TTC3: variants seen among roughly 807,000 people sequenced by gnomAD.
TTC3 encodes the protein E3 ubiquitin-protein ligase TTC3.
Under a neutral mutation model 249.6 loss-of-function variants are expected in TTC3, and 180 were observed. The observed-to-expected ratio is 0.72, with a 90% CI of 0.64 to 0.82. The LOEUF is 0.82. Among genes scored for constraint, TTC3 ranks in the 40% least tolerant of loss-of-function variants. The probability of loss-of-function intolerance (pLI) is 0.00; values close to 1 mark genes in which losing one functional copy is unlikely to be tolerated. For synonymous variants in TTC3, 717 were observed against 805.0 expected (o/e 0.89, Z 1.85); for missense variants, 2,061 against 2,398.4 (o/e 0.86, Z 2.94).
At chr21:37,175,082 C>T (rs9636911) in intron 35 of TTC3, among the ~76,000 whole-genome samples, 47,347 of 143,612 alleles carry the variant, frequency 0.33, 8,004 homozygotes, top group East Asian at 0.52. Flanking sequence ...GGTGAAACCC[C>T]GTCTCTACTA....
chr21:37,174,499 A>G (rs1418621425), intron 35 of TTC3, among the ~76,000 whole-genome samples: 1 of 106,314 alleles, frequency 9.4e-6, no homozygotes, highest in Non-Finnish European at 1.9e-5. Flanking sequence ...AAATTTCTTA[A>G]AACATAGAAA....
At chr21:37,200,434 T>C in intron 45 of TTC3, 110 bp downstream of exon 45, 1 of 1,226,266 alleles carries the variant, frequency 8.2e-7, no homozygotes, top group Non-Finnish European at 1.1e-6. Flanking sequence ...GCTTTCAAAC[T>C]ATTTTCTTTG....
At chr21:37,100,285 T>C (rs1388165530) in intron 10 of TTC3, among the ~76,000 whole-genome samples, 1 of 152,238 alleles carries the variant, frequency 6.6e-6, no homozygotes, top group Non-Finnish European at 1.5e-5. Flanking sequence ...CTCTGTACTT[T>C]TATGTATACT....
At position 37,103,702 on chromosome 21, in the gene TTC3, C is replaced by T. The variant is rs141926295; in HGVS notation, c.846-4690C>T. Among the ~76,000 whole-genome samples the T allele has an allele frequency of 1.5e-3, 223 of 152,230 alleles. 2 individuals are homozygous for T. The highest frequency in any genetic ancestry group is 4.9e-3 in the African/African-American group (204 of 41,538). The stretch of plus-strand genomic sequence containing the variant: ...TTGGGGTTCTGTTGATGGATAATGT[C>T]AGAAATGAGCAAAAACAGCCTCTGT... On this transcript the variant is annotated intron_variant, in intron 10 of 45. Coordinates refer to ENST00000355666, the Ensembl canonical transcript of TTC3.
chr21:37,111,606 T>A (rs896188713), intron 11 of TTC3, among the ~76,000 whole-genome samples: 1 of 152,276 alleles, frequency 6.6e-6, no homozygotes, highest in South Asian at 2.1e-4. Flanking sequence ...AATGGGAGAC[T>A]TTAACACCCC....
chr21:37,149,697 G>C (rs986575981), intron 23 of TTC3, among the ~76,000 whole-genome samples: 1 of 151,658 alleles, frequency 6.6e-6, no homozygotes, highest in African/African-American at 2.4e-5. Flanking sequence ...GCTTTATTTT[G>C]TGTGGCTCTA....
chr21:37,175,160 A>C (rs965783971), intron 35 of TTC3, among the ~76,000 whole-genome samples: 5 of 145,898 alleles, frequency 3.4e-5, no homozygotes, highest in Non-Finnish European at 6.0e-5. Flanking sequence ...GCTACTCAGG[A>C]GGCTGAGGCA....
At position 37,201,432 on chromosome 21, in the gene TTC3, C is replaced by T. The variant is rs1304475370; in HGVS notation, c.5944-8C>T. ...AGGCATCTTCTGATTTTGTTTTCTC[C>T]TTTTCAGTGCTTTAAGCAGTGGCTT... is the stretch of plus-strand genomic sequence containing the variant. On this transcript the variant is annotated splice_polypyrimidine_tract_variant and splice_region_variant and intron_variant, in intron 45 of 45. Transcript: ENST00000355666. 1 of 1,613,524 alleles carries T rather than the reference C, an allele frequency of 6.2e-7. No individual in the cohort carries two copies. Among genetic ancestry groups the T allele is most frequent in the African/African-American group, 1.3e-5 (1 of 74,908 alleles).
At chr21:37,087,322 A>C (rs748900793) in exon 2 of TTC3, 1 of 1,614,086 alleles carries the variant, frequency 6.2e-7, no homozygotes, top group South Asian at 1.1e-5. Flanking sequence ...GATTGCCCTC[A>C]CGTGGATGAT....
At chr21:37,138,742 A>G in intron 19 of TTC3, 28 bp downstream of exon 19, 2 of 1,467,568 alleles carry the variant, frequency 1.4e-6, no homozygotes, top group Non-Finnish European at 1.9e-6. Context: ...GGTAATAAAC[A>G]ATTAAAATGA....
At chr21:37,095,816 T>A (rs1342985887) in intron 9 of TTC3, among the ~76,000 whole-genome samples, 1 of 152,110 alleles carries the variant, frequency 6.6e-6, no homozygotes, top group South Asian at 2.1e-4. Context: ...CCATTCAGGG[T>A]TTTTTGCTTT....
intron 18 of TTC3, among the ~76,000 whole-genome samples, chr21:37,136,699 T>C (rs762936516): frequency 1.4e-4 from 21 of 152,220 alleles, no homozygotes; most frequent in Non-Finnish European, 2.8e-4. Context: ...CAGTAAGTTA[T>C]CGAGATCTAG....
chr21:37,169,962 C>T (rs1312323803), intron 34 of TTC3, among the ~76,000 whole-genome samples: 1 of 151,970 alleles, frequency 6.6e-6, no homozygotes, highest in African/African-American at 2.4e-5. Flanking sequence ...CAATCTTGGT[C>T]CCTACCTCAT....
exon 33 of TTC3, chr21:37,166,474 C>T (rs1215208837): frequency 6.2e-7 from 1 of 1,614,074 alleles, no homozygotes; most frequent in Non-Finnish European, 8.5e-7. Context: ...CACACTGCAG[C>T]ACAGGTGATG....
intron 7 of TTC3, among the ~76,000 whole-genome samples, chr21:37,092,119 A>T (rs2073354434): frequency 6.6e-6 from 1 of 152,172 alleles, no homozygotes; most frequent in Admixed American, 6.5e-5. Flanking sequence ...TGCCTTACAT[A>T]TTTCTTTTAC....
chr21:37,191,808 C>T (rs752793743), intron 40 of TTC3, among the ~76,000 whole-genome samples: 4 of 151,958 alleles, frequency 2.6e-5, no homozygotes, highest in African/African-American at 7.3e-5. Context: ...AGGCTGGTGT[C>T]GATCTCCTGA....
At chr21:37,130,972 T>C (rs1206527304) in intron 16 of TTC3, among the ~76,000 whole-genome samples, 1 of 152,206 alleles carries the variant, frequency 6.6e-6, no homozygotes, top group Non-Finnish European at 1.5e-5. Flanking sequence ...TTGACAGATA[T>C]TGTGAAATGG....
intron 28 of TTC3, among the ~76,000 whole-genome samples, chr21:37,158,894 T>C (rs1569095108): frequency 6.6e-6 from 1 of 152,268 alleles, no homozygotes; most frequent in East Asian, 1.9e-4. Context: ...TAGTTGTCTT[T>C]CCACAGTTAG....
Position 37,202,103 on chromosome 21 carries a change from A to G in TTC3, c.*529A>G, listed in dbSNP as rs1314916946. On this transcript the variant is annotated 3_prime_UTR_variant, in exon 46 of 46. Coordinates refer to ENST00000355666, the Ensembl canonical transcript of TTC3. The stretch of plus-strand genomic sequence containing the variant: ...AGCAAACTATATTTTAATAATTTAT[A>G]GTTAATGTTAAAATATTGGCTGATT... 3 of 152,254 alleles carry G rather than the reference A, an allele frequency of 2.0e-5. No homozygotes were observed. The East Asian group carries it at 5.8e-4, about 29-fold the overall frequency. The allele number at this position is 152,254 out of a possible 1,614,324, so 9.4% of individuals were successfully genotyped here.
Sources: allele counts gnomAD v4.1 joint callset (sites outside exome capture counted in the v4.1 genomes callset), GRCh38; gene constraint gnomAD v4.1.1; transcripts MANE v1.5; gene names NCBI Gene and HGNC (gene_info 2026-07-23, HGNC 2026-07-21).